PTCHD4: variants seen among roughly 807,000 people sequenced by gnomAD.
PTCHD4 encodes patched domain-containing protein 4.
A neutral mutation model predicts 58.1 loss-of-function variants in PTCHD4; 33 were observed. The ratio of observed to expected loss-of-function variants is 0.57; its 90% confidence interval spans 0.43 to 0.76. The LOEUF (loss-of-function observed/expected upper bound fraction) is 0.76. Ranked by LOEUF, PTCHD4 falls within the 30% of genes least tolerant of loss-of-function variation. PTCHD4 has a pLI of 0.00. For missense variants in PTCHD4, 1,058 were observed against 1,027.1 expected (o/e 1.03, Z -0.41); for synonymous variants, 478 against 409.6 (o/e 1.17, Z -2.02).
chr6:47,985,501 T>G (rs536850481), intron 4 of PTCHD4, among the ~76,000 whole-genome samples: 1 of 152,102 alleles, frequency 6.6e-6, no homozygotes, highest in Non-Finnish European at 1.5e-5. Flanking sequence ...GTTGGAAATA[T>G]GTAAAAAAGT....
intron 1 of PTCHD4, among the ~76,000 whole-genome samples, chr6:48,098,586 A>C (rs1765527364): frequency 1.3e-5 from 2 of 152,032 alleles, no homozygotes; most frequent in South Asian, 4.2e-4. Flanking sequence ...TGATCCACTC[A>C]CCTGAGCCTC....
At chr6:47,991,294 G>A (rs1354424801) in intron 4 of PTCHD4, among the ~76,000 whole-genome samples, 1 of 152,074 alleles carries the variant, frequency 6.6e-6, no homozygotes, top group Non-Finnish European at 1.5e-5. Context: ...TAAGCAGTCA[G>A]AGAAAAAGAC....
chr6:48,074,572 G>A (rs1765027648), intron 1 of PTCHD4, among the ~76,000 whole-genome samples: 1 of 152,356 alleles, frequency 6.6e-6, no homozygotes, highest in East Asian at 1.9e-4. Context: ...TGATAATGTG[G>A]TAATTGGCTG....
chr6:48,088,249 G>A (rs1765299441), intron 1 of PTCHD4, among the ~76,000 whole-genome samples: 1 of 152,040 alleles, frequency 6.6e-6, no homozygotes, highest in African/African-American at 2.4e-5. Context: ...CGTTTGGAAG[G>A]GTGGGTCCCC....
intron 1 of PTCHD4, among the ~76,000 whole-genome samples, chr6:48,105,619 T>C (rs1355502853): frequency 6.6e-6 from 1 of 151,276 alleles, no homozygotes; most frequent in African/African-American, 2.4e-5. Flanking sequence ...CTGAAGGAAA[T>C]AGAGACAAAA....
chr6:47,899,422 C>T (rs1764628197), intron 4 of PTCHD4, among the ~76,000 whole-genome samples: 1 of 152,074 alleles, frequency 6.6e-6, no homozygotes, highest in African/African-American at 2.4e-5. Flanking sequence ...AACAGTAATC[C>T]TTTATTGTGC....
chr6:48,076,652 A>G (rs1765069121), intron 1 of PTCHD4, among the ~76,000 whole-genome samples: 1 of 152,218 alleles, frequency 6.6e-6, no homozygotes, highest in Non-Finnish European at 1.5e-5. Flanking sequence ...TGCATTTTCA[A>G]TGTGATAAAA....
intron 4 of PTCHD4, among the ~76,000 whole-genome samples, chr6:47,928,092 C>T (rs765781863): frequency 3.2e-4 from 48 of 152,210 alleles, no homozygotes; most frequent in Admixed American, 1.0e-3. Flanking sequence ...CCATGTGAGG[C>T]GTGGAGGGAT....
intron 3 of PTCHD4, among the ~76,000 whole-genome samples, chr6:48,016,083 C>A (rs1762857889): frequency 6.6e-6 from 1 of 151,838 alleles, no homozygotes; most frequent in African/African-American, 2.4e-5. Flanking sequence ...AATATTTCCC[C>A]CAAATATGTT....
At chr6:48,000,130 G>T (rs1250673436) in intron 4 of PTCHD4, among the ~76,000 whole-genome samples, 1 of 152,166 alleles carries the variant, frequency 6.6e-6, no homozygotes, top group Admixed American at 6.5e-5. Flanking sequence ...ACAAGATGGA[G>T]GCATCCTGGA....
intron 3 of PTCHD4, among the ~76,000 whole-genome samples, chr6:48,018,349 G>A (rs1762938280): frequency 6.6e-6 from 1 of 152,134 alleles, no homozygotes; most frequent in African/African-American, 2.4e-5. Flanking sequence ...TGATTCATTG[G>A]TGGTAAAGTC....
Position 48,069,661 on chromosome 6 carries a change from TGTGTGC to T in PTCHD4, c.-710_-705del, listed in dbSNP as rs3031590. Among the ~76,000 whole-genome samples, 23,627 of 151,878 alleles carry T rather than the reference TGTGTGC, an allele frequency of 0.16. 1,866 individuals are homozygous for T. The highest frequency in any genetic ancestry group is 0.2 in the African/African-American group (8,334 of 41,344). On this transcript the variant is annotated 5_prime_UTR_variant, in exon 2 of 5. Transcript: ENST00000339488. Reference sequence around the variant, plus strand: ...GAGGCATTTGCCAATAGCAGTAGCCTGTGTGCGTGTGCGTGTGCGTGTGTGTGTATT... The same window carrying T: ...GAGGCATTTGCCAATAGCAGTAGCCTGTGTGCGTGTGCGTGTGTGTGTATT...
Position 48,068,655 on chromosome 6 carries a change from T to A in PTCHD4, c.6-14A>T. The A allele has an allele frequency of 6.5e-7, 1 of 1,534,592 alleles. No individual in the cohort carries two copies. The highest frequency in any genetic ancestry group is 2.4e-5 in the East Asian group (1 of 40,888). ...GCTCCCGGCCGTCTTAAAAAGCACA[T>A]GTGACATGTGTAAGCGCCGGGCTAC... is the stretch of plus-strand genomic sequence containing the variant. On this transcript the variant is annotated splice_polypyrimidine_tract_variant and intron_variant, in intron 2 of 4. Coordinates refer to ENST00000339488, the MANE Select transcript of PTCHD4 (RefSeq NM_001384253.1). The surrounding 1 kb of genome is among the most constrained non-coding windows in gnomAD (Gnocchi z 4.2).
In PTCHD4 at chr6:47,873,348, T is replaced by C. The variant is rs377204346; in HGVS notation, c.*4955A>G. On this transcript the variant is annotated 3_prime_UTR_variant, in exon 5 of 5. Transcript: ENST00000339488. ...CTTACAGACATCTTGATTTCTGAGATGTGGGCTCATCTCTCAATATCCTTC... is the reference window on the plus strand; with the variant it reads ...CTTACAGACATCTTGATTTCTGAGACGTGGGCTCATCTCTCAATATCCTTC... 1.1e-4 allele frequency among the ~76,000 whole-genome samples: 16 copies of C among 151,836 alleles called. No individual in the cohort carries two copies. Among genetic ancestry groups the C allele is most frequent in the African/African-American group, 3.1e-4 (13 of 41,512 alleles).
chr6:48,085,862 T>C (rs1020787450), intron 1 of PTCHD4, among the ~76,000 whole-genome samples: 9 of 152,228 alleles, frequency 5.9e-5, no homozygotes, highest in Non-Finnish European at 1.2e-4. Context: ...AGTCTGGTAA[T>C]GGCAATATTT....
chr6:48,060,597 T>C (rs895022118), intron 3 of PTCHD4, among the ~76,000 whole-genome samples: 19 of 152,120 alleles, frequency 1.2e-4, no homozygotes, highest in Admixed American at 6.5e-5. Context: ...CCTCTGCCTC[T>C]CAAGTAGCTG....
chr6:48,097,266 A>G (rs1287390688), intron 1 of PTCHD4, among the ~76,000 whole-genome samples: 1 of 152,162 alleles, frequency 6.6e-6, no homozygotes, highest in Non-Finnish European at 1.5e-5. Context: ...AATAATTAAC[A>G]GATCTTTTTA....
intron 3 of PTCHD4, among the ~76,000 whole-genome samples, chr6:48,043,040 G>A (rs546954236): frequency 1.2e-4 from 18 of 152,020 alleles, no homozygotes; most frequent in Middle Eastern, 3.4e-3. Flanking sequence ...GTACAGAACA[G>A]AGAGACAGTA....
chr6:48,103,721 G>T (rs557149117), intron 1 of PTCHD4, among the ~76,000 whole-genome samples: 3 of 152,176 alleles, frequency 2.0e-5, no homozygotes, highest in East Asian at 3.9e-4. Context: ...TAGATGAATG[G>T]CTAACTAGAA....
Sources: gnomAD v4.1 joint callset for allele counts (sites outside exome capture counted in the v4.1 genomes callset) on GRCh38, gnomAD v4.1.1 for gene constraint, Gnocchi (gnomAD v3.1) non-coding constraint, MANE v1.5 for transcripts, NCBI Gene and HGNC (gene_info 2026-07-23, HGNC 2026-07-21) for gene names.